Variants in LSM11 observed in about 807,000 individuals in gnomAD.
The protein encoded by LSM11 is LSM11, U7 small nuclear RNA associated.
In LSM11, 14 loss-of-function variants were observed where a neutral mutation model predicts 28.1. The observed-to-expected ratio is 0.50, with a 90% confidence interval of 0.33 to 0.78. The LOEUF (loss-of-function observed/expected upper bound fraction) is 0.78, where lower values mean the gene tolerates loss of function less well. LSM11 is among the 30% of genes least tolerant of loss of function. The pLI, the probability that LSM11 is intolerant of heterozygous loss-of-function variation, is 0.02. For missense variants in LSM11, 495 were observed against 510.6 expected (o/e 0.97, Z 0.30); for synonymous variants, 207 against 214.2 (o/e 0.97, Z 0.30).
Position 157,751,395 on chromosome 5 carries a change from G to C in LSM11, c.454G>C (p.Glu152Gln), listed in dbSNP as rs748728707. 1 of 1,586,588 alleles carries C rather than the reference G, an allele frequency of 6.3e-7. No homozygotes were observed. The highest frequency in any genetic ancestry group is 2.3e-5 in the East Asian group (1 of 44,358). ...RNVLTRMPLH[E>Q]GSPLGELHRC... ...CTGTTCTTCTCTTGTTTCAGTGCAC[G>C]AAGGCAGCCCTCTGGGTGAACTCCA... The change falls in exon 2 of 4, where the codon GAA becomes CAA. Residue 152 changes from glutamate to glutamine, a missense_variant. Physicochemically the swap from Glu to Gln is conservative, Grantham distance 29 (BLOSUM62 2). Coordinates refer to ENST00000286307, the MANE Select transcript of LSM11 (RefSeq NM_173491.4).
rs199960252 is a variant in LSM11 at position 157,755,284 on chromosome 5, G to A, written c.*20G>A. 871 of 1,604,788 alleles carry A rather than the reference G, an allele frequency of 5.4e-4. 1 individual carries two copies. Among genetic ancestry groups the A allele is most frequent in the Non-Finnish European group, 5.3e-4 (619 of 1,175,244 alleles). On this transcript the variant is annotated 3_prime_UTR_variant, in exon 4 of 4. Coordinates refer to ENST00000286307, the MANE Select transcript of LSM11 (RefSeq NM_173491.4). ...CAGTGACCAGCTCAGCCTGAGCTTT[G>A]GTTTTTAGAAATAAAGTGCATGAAT...
In LSM11 at chr5:157,760,076, C is replaced by T. The variant is rs948350141; in HGVS notation, c.*4812C>T. ...GAATAAAAAATAGTTTGATAACCTACCAGAGTTAGTGCTTCTTTAAAAACA... is the reference window on the plus strand; with the variant it reads ...GAATAAAAAATAGTTTGATAACCTATCAGAGTTAGTGCTTCTTTAAAAACA... On this transcript the variant is annotated 3_prime_UTR_variant, in exon 4 of 4. Transcript: ENST00000286307. The T allele has an allele frequency of 2.0e-5, 3 of 152,172 alleles. No individual in the cohort carries two copies. Among genetic ancestry groups the T allele is most frequent in the African/African-American group, 7.2e-5 (3 of 41,434 alleles). 9.4% of individuals were successfully genotyped at this position (152,172 alleles called of 1,614,324 possible). A position where few individuals can be genotyped will look rare whatever the true frequency, so the allele number is the denominator to read the frequency against.
chr5:157,747,591 T>A (rs1761166147), intron 1 of LSM11: 1 of 221,894 alleles, frequency 4.5e-6, no homozygotes, highest in Non-Finnish European at 1.0e-5. Flanking sequence ...ATTGAAAATT[T>A]GTTTGAGTCC....
chr5:157,755,273 G>A lies in LSM11; in HGVS notation c.*9G>A, dbSNP rs757405013. ...TTCATCTTGCACAGTGACCAGCTCA[G>A]CCTGAGCTTTGGTTTTTAGAAATAA... On this transcript the variant is annotated 3_prime_UTR_variant, in exon 4 of 4. Transcript: ENST00000286307. 4 of 1,610,216 alleles carry A rather than the reference G, an allele frequency of 2.5e-6. No individual in the cohort carries two copies. The South Asian group carries it at 4.4e-5, about 18-fold the overall frequency.
At position 157,743,755 on chromosome 5, in the gene LSM11, A is replaced by AGGAGCG. The variant is rs758072879; in HGVS notation, c.14_19dup (p.Glu5_Arg6dup). 20 of 1,387,458 alleles carry AGGAGCG rather than the reference A, an allele frequency of 1.4e-5. No homozygotes were observed. Among genetic ancestry groups the AGGAGCG allele is most frequent in the South Asian group, 1.2e-4 (8 of 64,338 alleles). The allele number at this position is 1,387,458 out of a possible 1,614,324, so 85.9% of individuals were successfully genotyped here. A position where few individuals can be genotyped will look rare whatever the true frequency, so the allele number is the denominator to read the frequency against. ...CGGCTTGCGGGCCTTTCAAACATGG[A>AGGAGCG]GGAGCGGGAGCGGGGGGCGAGGTCG... On this transcript the variant is annotated inframe_insertion, in exon 1 of 4. Coordinates refer to ENST00000286307, the MANE Select transcript of LSM11 (RefSeq NM_173491.4).
chr5:157,755,504 G>T lies in LSM11; in HGVS notation c.*240G>T. 1.8e-6 allele frequency: 1 copy of T among 556,612 alleles called. No homozygotes were observed. Among genetic ancestry groups the T allele is most frequent in the Non-Finnish European group, 3.2e-6 (1 of 317,118 alleles). 34.5% of individuals were successfully genotyped at this position (556,612 alleles called of 1,614,324 possible). A position where few individuals can be genotyped will look rare whatever the true frequency, so the allele number is the denominator to read the frequency against. ...TTCATAGATACATGCATCTGATTTG[G>T]TATTGTGATTTACTTCAGACCCTGA... On this transcript the variant is annotated 3_prime_UTR_variant, in exon 4 of 4. Coordinates refer to ENST00000286307, the MANE Select transcript of LSM11 (RefSeq NM_173491.4).
chr5:157,753,054 G>T (rs1393530821), intron 2 of LSM11, among the ~76,000 whole-genome samples: 1 of 152,160 alleles, frequency 6.6e-6, no homozygotes, highest in African/African-American at 2.4e-5. Context: ...TGAATGAGTT[G>T]TGGGTACTAT....
At chr5:157,750,504 T>A (rs763713898) in intron 1 of LSM11, among the ~76,000 whole-genome samples, 1 of 152,202 alleles carries the variant, frequency 6.6e-6, no homozygotes, top group Non-Finnish European at 1.5e-5. Flanking sequence ...TTTTACACTG[T>A]CAGGGCTTGG....
intron 1 of LSM11, among the ~76,000 whole-genome samples, chr5:157,750,384 T>C (rs573254534): frequency 6.6e-6 from 1 of 152,222 alleles, no homozygotes; most frequent in Non-Finnish European, 1.5e-5. Context: ...TCCTTCATAA[T>C]AAAAGCTGAA....
Position 157,755,675 on chromosome 5 carries a change from C to T in LSM11, c.*411C>T, listed in dbSNP as rs146638670. 867 of 405,812 alleles carry T rather than the reference C, an allele frequency of 2.1e-3. 3 individuals are homozygous for T. Among genetic ancestry groups the T allele is most frequent in the Middle Eastern group, 0.016 (25 of 1,596 alleles). The allele number at this position is 405,812 out of a possible 1,614,324, so 25.1% of individuals were successfully genotyped here. ...CCCTGAGTACTCATGAATTCGATTC[C>T]AAGAGTAGTGGTGTAAATTGCCTTG... On this transcript the variant is annotated 3_prime_UTR_variant, in exon 4 of 4. Transcript: ENST00000286307.
intron 2 of LSM11, 21 bp downstream of exon 2, chr5:157,751,550 G>A (rs776664427): frequency 6.2e-7 from 1 of 1,607,196 alleles, no homozygotes; most frequent in Admixed American, 1.7e-5. Context: ...CTTTCTCAAG[G>A]GGCTGGAGAA....
intron 1 of LSM11, among the ~76,000 whole-genome samples, chr5:157,745,423 G>T (rs1407410573): frequency 2.6e-5 from 4 of 152,092 alleles, no homozygotes; most frequent in African/African-American, 9.7e-5. Context: ...GATTTACCCC[G>T]GCCTGCTTGC....
At chr5:157,754,124 A>T in intron 3 of LSM11, 37 bp downstream of exon 3, 1 of 1,378,758 alleles carries the variant, frequency 7.3e-7, no homozygotes, top group Non-Finnish European at 9.8e-7. Context: ...AGTAGCCATC[A>T]TGCTTTCCAG....
chr5:157,750,088 C>T (rs1343764956), intron 1 of LSM11, among the ~76,000 whole-genome samples: 3 of 151,772 alleles, frequency 2.0e-5, no homozygotes, highest in Admixed American at 2.0e-4. Context: ...TGTGTACGCA[C>T]GAGAAAGAGA....
At chr5:157,754,170 A>G in intron 3 of LSM11, 83 bp downstream of exon 3, 2 of 926,152 alleles carry the variant, frequency 2.2e-6, no homozygotes, top group African/African-American at 1.7e-5. Context: ...AGTGACTAGG[A>G]TTTCCTAGAG....
intron 1 of LSM11, among the ~76,000 whole-genome samples, chr5:157,746,484 A>C (rs937538679): frequency 1.3e-5 from 2 of 152,256 alleles, no homozygotes; most frequent in Non-Finnish European, 2.9e-5. Flanking sequence ...TGGAATGTTT[A>C]TGAAAAAACA....
At chr5:157,747,677 T>C (rs1287593028) in intron 1 of LSM11, 1 of 155,728 alleles carries the variant, frequency 6.4e-6, no homozygotes, top group East Asian at 1.9e-4. Context: ...TTTAATAAAG[T>C]GATATTCTTT....
chr5:157,755,016 C>G lies in LSM11; in HGVS notation c.835C>G (p.Arg279Gly). The change falls in exon 4 of 4, where the codon CGC becomes GGC. Residue 279 changes from arginine (R) to glycine (G), a missense_variant. Physicochemically the swap from Arg to Gly is moderately radical, Grantham distance 125. Transcript: ENST00000286307. ...DTGRGSHKRS[R>G]SVPSSLQASA... ...TGGCCGGGGCTCACACAAGCGTTCCCGCTCTGTCCCTTCTTCCCTGCAGGC... is the reference window on the plus strand; with the variant it reads ...TGGCCGGGGCTCACACAAGCGTTCCGGCTCTGTCCCTTCTTCCCTGCAGGC... 6.2e-7 allele frequency: 1 copy of G among 1,614,078 alleles called. No homozygotes were observed. Among genetic ancestry groups the G allele is most frequent in the Non-Finnish European group, 8.5e-7 (1 of 1,179,950 alleles).
rs775480653 is a variant in LSM11 at position 157,754,054 on chromosome 5, A to G, written c.639A>G (p.Ala213=). Residue 213 remains alanine, a synonymous_variant, in exon 3 of 4, where the codon GCA becomes GCG. Transcript: ENST00000286307. ...ETYRKPVLGK[A]YERDSSLTLT... ...ACCGAAAACCTGTCCTAGGCAAAGC[A>G]TATGAACGGGATTCTTCACTGACTC... is the stretch of plus-strand genomic sequence containing the variant. 1 of 1,575,024 alleles carries G rather than the reference A, an allele frequency of 6.3e-7. No individual in the cohort carries two copies. The highest frequency in any genetic ancestry group is 2.4e-5 in the East Asian group (1 of 41,568).
Sources: gnomAD v4.1 joint callset for allele counts (sites outside exome capture counted in the v4.1 genomes callset) on GRCh38, gnomAD v4.1.1 for gene constraint, MANE v1.5 for transcripts, NCBI Gene and HGNC (gene_info 2026-07-23, HGNC 2026-07-21) for gene names.